SVOP: variants seen among roughly 807,000 people sequenced by gnomAD.
SVOP encodes the protein SV2 related protein.
Under a neutral mutation model 69.1 loss-of-function variants are expected in SVOP, and 17 were observed. The observed-to-expected ratio is 0.25, with a 90% CI of 0.17 to 0.37. The LOEUF (loss-of-function observed/expected upper bound fraction) is 0.37, where lower values mean the gene tolerates loss of function less well. Among genes scored for constraint, SVOP ranks in the 10% least tolerant of loss-of-function variants. The probability of loss-of-function intolerance (pLI) is 1.00; values close to 1 mark genes in which losing one functional copy is unlikely to be tolerated. For missense variants in SVOP, 435 were observed against 597.5 expected, an observed-to-expected ratio of 0.73 and a Z score of 2.84; for synonymous variants, 238 against 238.6, an observed-to-expected ratio of 1.00 and a Z score of 0.02.
At position 108,917,955 on chromosome 12, in the gene SVOP, T is replaced by G; in HGVS notation, c.1350+88A>C. On this transcript the variant is annotated intron_variant, in intron 14 of 15. Transcript: ENST00000610966. The stretch of plus-strand genomic sequence containing the variant: ...GCTACCGCGCCCACCACCTCATTCT[T>G]TTTAATGGTTTCTGGAAGCAGAGCA... 5.1e-6 allele frequency: 6 copies of G among 1,166,584 alleles called. No homozygotes were observed. The South Asian group carries it at 9.6e-5, about 19-fold the overall frequency. 72.3% of individuals were successfully genotyped at this position (1,166,584 alleles called of 1,614,324 possible).
chr12:108,961,131 T>C, intron 5 of SVOP, 84 bp from the exon 6 acceptor site: 4 of 1,452,178 alleles, frequency 2.8e-6, no homozygotes, highest in Non-Finnish European at 3.6e-6. Context: ...CCGCCGATAA[T>C]GGGGTCACAT....
chr12:108,954,549 G>A (rs74212763), intron 6 of SVOP, among the ~76,000 whole-genome samples: 76,035 of 151,994 alleles, frequency 0.5, 22,819 homozygotes, highest in South Asian at 0.68. Flanking sequence ...CATAATCCCA[G>A]AACCCCATGG....
At chr12:108,979,220 GA>G (rs202188557) in intron 2 of SVOP, among the ~76,000 whole-genome samples, 101,749 of 151,844 alleles carry the variant, frequency 0.67, 34,605 homozygotes, top group East Asian at 0.79. Context: ...TCCATGGCCA[GA>G]AAAAAAAGAA....
intron 11 of SVOP, among the ~76,000 whole-genome samples, chr12:108,929,245 A>G (rs1305992695): frequency 1.3e-5 from 2 of 152,252 alleles, no homozygotes; most frequent in Non-Finnish European, 2.9e-5. Context: ...AAGGAAAGAT[A>G]TGCTTCCTCC....
At chr12:108,968,589 A>G (rs982578310) in intron 5 of SVOP, among the ~76,000 whole-genome samples, 2 of 152,174 alleles carry the variant, frequency 1.3e-5, no homozygotes, top group Admixed American at 1.3e-4. Flanking sequence ...GCAGTGTCAG[A>G]TTCAAGCCCA....
chr12:108,980,738 C>G (rs1474659958), intron 2 of SVOP, among the ~76,000 whole-genome samples: 1 of 67,684 alleles, frequency 1.5e-5, no homozygotes, highest in Non-Finnish European at 2.7e-5. Flanking sequence ...GCCTGGGCAA[C>G]AGAGCGAGAC....
intron 11 of SVOP, 81 bp downstream of exon 11, chr12:108,934,114 T>A: frequency 8.0e-7 from 1 of 1,248,066 alleles, no homozygotes; most frequent in South Asian, 1.4e-5. Context: ...GGGCAGAGCC[T>A]GGGGTGGGAG....
intron 1 of SVOP, among the ~76,000 whole-genome samples, chr12:109,008,339 T>G (rs1216957699): frequency 6.6e-6 from 1 of 152,194 alleles, no homozygotes; most frequent in African/African-American, 2.4e-5. Flanking sequence ...CACAGAAGTC[T>G]GAAAGTCACC....
At chr12:108,968,801 A>AT (rs986538970) in intron 5 of SVOP, among the ~76,000 whole-genome samples, 4 of 149,822 alleles carry the variant, frequency 2.7e-5, no homozygotes, top group African/African-American at 9.8e-5. Flanking sequence ...AAATAAATGA[A>AT]TTTTTTTTTC....
chr12:109,018,514 G>A (rs2040380522), intron 1 of SVOP, among the ~76,000 whole-genome samples: 1 of 152,088 alleles, frequency 6.6e-6, no homozygotes, highest in South Asian at 2.1e-4. Flanking sequence ...CCCTCTACAA[G>A]GCACTCTGAA....
intron 1 of SVOP, among the ~76,000 whole-genome samples, chr12:109,012,293 A>C (rs1048086214): frequency 6.6e-6 from 1 of 152,040 alleles, no homozygotes; most frequent in African/African-American, 2.4e-5. Flanking sequence ...AAAAAAAAAA[A>C]AATCAGTTAG....
chr12:108,966,387 TA>T (rs2137426410), intron 5 of SVOP, among the ~76,000 whole-genome samples: 1 of 152,342 alleles, frequency 6.6e-6, no homozygotes, highest in African/African-American at 2.4e-5. Flanking sequence ...TCCCAGGTGG[TA>T]GAAACTTCTG....
chr12:108,956,931 G>A (rs1432072047), intron 6 of SVOP, among the ~76,000 whole-genome samples: 2 of 152,206 alleles, frequency 1.3e-5, no homozygotes, highest in Non-Finnish European at 2.9e-5. Flanking sequence ...CTGTCCTCCA[G>A]GACACAATAC....
intron 14 of SVOP, among the ~76,000 whole-genome samples, chr12:108,916,744 T>C (rs1374685547): frequency 1.3e-5 from 2 of 152,174 alleles, no homozygotes; most frequent in Non-Finnish European, 2.9e-5. Context: ...TATAGTATTT[T>C]ATTTACTTAT....
chr12:108,954,571 C>G (rs1044576489), intron 6 of SVOP, among the ~76,000 whole-genome samples: 2 of 152,180 alleles, frequency 1.3e-5, no homozygotes. Flanking sequence ...AAGAATCTCT[C>G]GTCCTCTTTG....
At chr12:109,020,191 C>T (rs1245802471) in intron 1 of SVOP, among the ~76,000 whole-genome samples, 1 of 152,144 alleles carries the variant, frequency 6.6e-6, no homozygotes, top group Non-Finnish European at 1.5e-5. Flanking sequence ...AATCGCCATC[C>T]TCAAAGCAGT....
At chr12:108,990,714 T>C (rs1005214887) in intron 1 of SVOP, among the ~76,000 whole-genome samples, 19 of 151,582 alleles carry the variant, frequency 1.3e-4, no homozygotes, top group East Asian at 1.2e-3. Context: ...AATAAATAAA[T>C]AAACAAACAA....
chr12:108,916,195 C>T (rs7975694), intron 14 of SVOP, among the ~76,000 whole-genome samples: 1 of 152,076 alleles, frequency 6.6e-6, no homozygotes, highest in African/African-American at 2.4e-5. Context: ...TCTTCTCATG[C>T]GTTCACCTTG....
rs368401990 is a variant in SVOP, at chr12:108,965,105, C to A, written c.454-4058G>T. Reference sequence around the variant, plus strand: ...CACCTGCTGTTTGCTAGGCCCTGGGCTACCGTAAGGAACATGACAGCCAGA... The same window carrying A: ...CACCTGCTGTTTGCTAGGCCCTGGGATACCGTAAGGAACATGACAGCCAGA... On this transcript the variant is annotated intron_variant, in intron 5 of 15. Coordinates refer to ENST00000610966, the MANE Select transcript of SVOP (RefSeq NM_018711.5). Among the ~76,000 whole-genome samples the A allele has an allele frequency of 1.4e-3, 208 of 152,332 alleles. 1 individual carries two copies. The highest frequency in any genetic ancestry group is 3.5e-3 in the South Asian group (17 of 4,826).
Sources: allele counts gnomAD v4.1 joint callset (sites outside exome capture counted in the v4.1 genomes callset), GRCh38; gene constraint gnomAD v4.1.1; transcripts MANE v1.5; gene names NCBI Gene and HGNC (gene_info 2026-07-23, HGNC 2026-07-21).